ZNF800: variants seen among roughly 807,000 people sequenced by gnomAD.
ZNF800 encodes the protein zinc finger protein 800.
A neutral mutation model predicts 59.5 loss-of-function variants in ZNF800; 13 were observed. The observed-to-expected ratio is 0.22, with a 90% CI of 0.14 to 0.35. The LOEUF (loss-of-function observed/expected upper bound fraction) is 0.35, where lower values mean the gene tolerates loss of function less well. Among genes scored for constraint, ZNF800 ranks in the 10% least tolerant of loss-of-function variants. ZNF800 has a pLI of 1.00. For synonymous variants in ZNF800, 266 were observed against 265.7 expected (o/e 1.00, Z -0.01); for missense variants, 621 against 783.7 (o/e 0.79, Z 2.48).
intron 5 of ZNF800, chr7:127,372,653 ATT>A (rs1800664087): frequency 3.0e-6 from 3 of 985,164 alleles, no homozygotes; most frequent in Non-Finnish European, 3.6e-6. Flanking sequence ...CTAAATAAGC[ATT>A]GTTTCCATAG....
intron 1 of ZNF800, among the ~76,000 whole-genome samples, chr7:127,355,971 C>T (rs143947413): frequency 1.1e-3 from 161 of 152,040 alleles, no homozygotes; most frequent in African/African-American, 3.5e-3. Flanking sequence ...AATTTTCATA[C>T]TCAGGAATCA....
intron 2 of ZNF800, among the ~76,000 whole-genome samples, chr7:127,387,365 T>C (rs1018822495): frequency 1.3e-5 from 2 of 152,204 alleles, no homozygotes; most frequent in East Asian, 1.9e-4. Context: ...ATTTCAACAA[T>C]GTGTGCTACT....
intron 2 of ZNF800, 32 bp downstream of exon 2, chr7:127,391,465 G>A (rs1056491946): frequency 1.9e-6 from 3 of 1,608,990 alleles, no homozygotes; most frequent in African/African-American, 2.7e-5. Context: ...TCTGATGGAG[G>A]GCAAAGCAAC....
intron 2 of ZNF800, among the ~76,000 whole-genome samples, chr7:127,388,931 C>T (rs774618477): frequency 1.9e-4 from 29 of 152,130 alleles, no homozygotes; most frequent in Non-Finnish European, 2.1e-4. Context: ...GCCTATCATC[C>T]TCCCAAGATC....
At chr7:127,343,714 G>T (rs919470594), downstream of ZNF800, among the ~76,000 whole-genome samples, 2 of 151,792 alleles carry the variant, frequency 1.3e-5, no homozygotes, top group African/African-American at 4.8e-5. Context: ...AAATATAAAT[G>T]CAATAATCCA....
downstream of ZNF800, among the ~76,000 whole-genome samples, chr7:127,345,153 A>G (rs1800034579): frequency 6.6e-6 from 1 of 152,198 alleles, no homozygotes; most frequent in African/African-American, 2.4e-5. Context: ...AATATCAAAT[A>G]TGTTCATTCA....
intron 1 of ZNF800, among the ~76,000 whole-genome samples, chr7:127,353,431 G>A (rs1800208065): frequency 6.6e-6 from 1 of 152,154 alleles, no homozygotes; most frequent in East Asian, 1.9e-4. Context: ...CGTAAAAGCT[G>A]TGCTAAAGCT....
At chr7:127,364,412 G>C (rs1800460813) in intron 1 of ZNF800, 1 of 152,118 alleles carries the variant, frequency 6.6e-6, no homozygotes, top group South Asian at 2.1e-4. Context: ...AATCAACCAG[G>C]ATCAAGAGAC....
intron 1 of ZNF800, among the ~76,000 whole-genome samples, chr7:127,357,846 CAG>C (rs144276471): frequency 7.1e-4 from 106 of 148,502 alleles, no homozygotes; most frequent in Middle Eastern, 3.5e-3. Flanking sequence ...GTGGGGGTAA[CAG>C]AGAGAGAGAG....
intron 5 of ZNF800, chr7:127,372,495 A>AT: frequency 1.5e-6 from 1 of 664,140 alleles, no homozygotes; most frequent in Non-Finnish European, 1.9e-6. Flanking sequence ...AAAAAAAAAA[A>AT]AAAGTAGTAT....
rs973853722 is a variant in ZNF800 at position 127,392,195 on chromosome 7, A to C, written c.-194T>G. ...CCGCTGACCACGCGGGGGAACCCGG[A>C]CTCGGGCCCGACGCGCTCCCAAAGA... On this transcript the variant is annotated 5_prime_UTR_variant, in exon 1 of 6. Coordinates refer to ENST00000265827, the MANE Select transcript of ZNF800 (RefSeq NM_176814.5). The C allele has an allele frequency of 7.6e-6, 3 of 394,644 alleles. No homozygotes were observed. The highest frequency in any genetic ancestry group is 1.3e-4 in the South Asian group (1 of 7,838). 24.4% of individuals were successfully genotyped at this position (394,644 alleles called of 1,614,324 possible).
Position 127,370,682 on chromosome 7 carries a change from A to G in ZNF800, c.*1132T>C, listed in dbSNP as rs1239023123. On this transcript the variant is annotated 3_prime_UTR_variant, in exon 6 of 6. Coordinates refer to ENST00000265827, the MANE Select transcript of ZNF800 (RefSeq NM_176814.5). ...CTTTTATAATTATAATTTGACACAA[A>G]TAACTAAAAAATAAAATATTCCCTA... is the stretch of plus-strand genomic sequence containing the variant. 6.6e-6 allele frequency: 1 copy of G among 152,594 alleles called. No individual in the cohort carries two copies. The highest frequency in any genetic ancestry group is 2.4e-5 in the African/African-American group (1 of 41,468). 9.5% of individuals were successfully genotyped at this position (152,594 alleles called of 1,614,324 possible). A position where few individuals can be genotyped will look rare whatever the true frequency, so the allele number is the denominator to read the frequency against.
At position 127,374,574 on chromosome 7, in the gene ZNF800, C is replaced by T; in HGVS notation, c.762G>A (p.Lys254=). ...GVRRHIRKVH[K]KKMEELKKYI... Reference sequence around the variant, plus strand: ...ACTTTTTTAGTTCTTCCATCTTTTTCTTGTGTACTTTTCGAATGTGACGGC... The same window carrying T: ...ACTTTTTTAGTTCTTCCATCTTTTTTTTGTGTACTTTTCGAATGTGACGGC... Residue 254 remains lysine, a synonymous_variant, in exon 5 of 6, where the codon AAG becomes AAA. Transcript: ENST00000265827. 3 of 1,614,038 alleles carry T rather than the reference C, an allele frequency of 1.9e-6. No individual in the cohort carries two copies. The highest frequency in any genetic ancestry group is 1.3e-5 in the African/African-American group (1 of 75,032).
In ZNF800 at chr7:127,362,117, C is replaced by T. The variant is rs375360787; in HGVS notation, n.224+11225G>A. On this transcript the variant is annotated intron_variant and non_coding_transcript_variant, in intron 1 of 1. Transcript: ENST00000485577. Reference sequence around the variant, plus strand: ...AGCATAGAGATACAATTATTCCAAGCCCCAGTGTAAGAACCACCTTTCCCA... The same window carrying T: ...AGCATAGAGATACAATTATTCCAAGTCCCAGTGTAAGAACCACCTTTCCCA... 15 of 152,062 alleles carry T rather than the reference C, an allele frequency of 9.9e-5. No individual in the cohort carries two copies. In the East Asian group the frequency reaches 2.7e-3, roughly 27 times the overall value. The allele number at this position is 152,062 out of a possible 1,614,324, so 9.4% of individuals were successfully genotyped here.
chr7:127,347,272 C>T (rs1800082758), exon 2 of ZNF800: 1 of 152,084 alleles, frequency 6.6e-6, no homozygotes, highest in African/African-American at 2.4e-5. Context: ...AGTTCAACCA[C>T]AGTTGTGCAT....
At chr7:127,386,662 G>C (rs1042083637) in intron 2 of ZNF800, among the ~76,000 whole-genome samples, 1 of 152,208 alleles carries the variant, frequency 6.6e-6, no homozygotes. Flanking sequence ...GATGGATGCA[G>C]AAGAATGTTC....
At chr7:127,356,540 G>A (rs1029679244) in intron 1 of ZNF800, among the ~76,000 whole-genome samples, 6 of 151,750 alleles carry the variant, frequency 4.0e-5, no homozygotes, top group African/African-American at 1.5e-4. Context: ...TTACTGGGGT[G>A]TGAATGAGAA....
rs1356778487 is a variant in ZNF800, at chr7:127,386,047, A to G, written c.157+13T>C. ...ATGTGAAGATTGAAAAATATATCCTAAAACATTCATACCTGATCGAAAGCA... is the reference window on the plus strand; with the variant it reads ...ATGTGAAGATTGAAAAATATATCCTGAAACATTCATACCTGATCGAAAGCA... On this transcript the variant is annotated intron_variant, in intron 3 of 5. Coordinates refer to ENST00000265827, the MANE Select transcript of ZNF800 (RefSeq NM_176814.5). 6.3e-7 allele frequency: 1 copy of G among 1,585,928 alleles called. No homozygotes were observed. Among genetic ancestry groups the G allele is most frequent in the Non-Finnish European group, 8.6e-7 (1 of 1,158,400 alleles).
intron 2 of ZNF800, 89 bp downstream of exon 2, chr7:127,391,408 T>C (rs762332300): frequency 6.9e-5 from 88 of 1,268,676 alleles, no homozygotes; most frequent in South Asian, 2.4e-4. Context: ...GAATGACTAC[T>C]GGGGCAGGAG....
Sources: allele counts gnomAD v4.1 joint callset (sites outside exome capture counted in the v4.1 genomes callset), GRCh38; gene constraint gnomAD v4.1.1; transcripts MANE v1.5; gene names NCBI Gene and HGNC (gene_info 2026-07-23, HGNC 2026-07-21).